Variants in ASH1L observed in about 807,000 individuals in gnomAD.
The protein encoded by ASH1L is histone-lysine N-methyltransferase ASH1L.
ASH1L carries 23 observed loss-of-function variants against 269.0 expected under a neutral mutation model. That is an observed-to-expected ratio of 0.09 (90% CI 0.06 to 0.12). ASH1L has a LOEUF of 0.12. ASH1L is among the 10% of genes least tolerant of loss of function. The pLI, the probability that ASH1L is intolerant of heterozygous loss-of-function variation, is 1.00. For synonymous variants in ASH1L, 1,187 were observed against 1,253.5 expected (o/e 0.95, Z 1.12); for missense variants, 2,912 against 3,567.8 (o/e 0.82, Z 4.68).
intron 6 of ASH1L, among the ~76,000 whole-genome samples, chr1:155,411,811 C>G (rs888347210): frequency 6.6e-6 from 1 of 150,854 alleles, no homozygotes; most frequent in African/African-American, 2.4e-5. Flanking sequence ...GAGGGTCCTG[C>G]CCCATACCCT....
chr1:155,466,084 G>A (rs1345460150), intron 3 of ASH1L, among the ~76,000 whole-genome samples: 2 of 152,226 alleles, frequency 1.3e-5, no homozygotes, highest in Non-Finnish European at 2.9e-5. Context: ...GCCGGGCGCT[G>A]TGGCTCATGT....
chr1:155,350,314 G>A (rs1226758864), intron 17 of ASH1L, among the ~76,000 whole-genome samples: 4 of 152,112 alleles, frequency 2.6e-5, no homozygotes, highest in African/African-American at 9.7e-5. Flanking sequence ...GAGCCACTGC[G>A]CCTGGCCAAA....
intron 4 of ASH1L, among the ~76,000 whole-genome samples, chr1:155,452,381 ATT>A (rs976376306): frequency 6.6e-6 from 1 of 151,970 alleles, no homozygotes; most frequent in Non-Finnish European, 1.5e-5. Flanking sequence ...ATTAAAAAAA[ATT>A]TTTGTTTTTT....
intron 4 of ASH1L, among the ~76,000 whole-genome samples, chr1:155,443,709 T>C (rs1662776181): frequency 6.6e-6 from 1 of 152,226 alleles, no homozygotes; most frequent in East Asian, 1.9e-4. Flanking sequence ...TATTTTATTG[T>C]ACGGCTTCAT....
chr1:155,374,149 CG>C (rs1178548681), intron 10 of ASH1L, among the ~76,000 whole-genome samples: 1 of 151,988 alleles, frequency 6.6e-6, no homozygotes, highest in African/African-American at 2.4e-5. Flanking sequence ...GCCAACACGG[CG>C]AAACCTCGTC....
chr1:155,538,029 T>A (rs1162733192), intron 1 of ASH1L, among the ~76,000 whole-genome samples: 2 of 152,056 alleles, frequency 1.3e-5, no homozygotes, highest in East Asian at 1.9e-4. Context: ...ATTTATTTTT[T>A]ATTTTTATTT....
At chr1:155,551,446 G>C (rs988585350) in intron 1 of ASH1L, among the ~76,000 whole-genome samples, 1 of 151,388 alleles carries the variant, frequency 6.6e-6, no homozygotes, top group Non-Finnish European at 1.5e-5. Flanking sequence ...GGATCACGAG[G>C]TCAGGAGATC....
chr1:155,417,187 A>C (rs564680776), intron 5 of ASH1L, among the ~76,000 whole-genome samples: 1 of 151,022 alleles, frequency 6.6e-6, no homozygotes, highest in African/African-American at 2.4e-5. Flanking sequence ...TGCCCACCTC[A>C]GCTTCCCAAA....
intron 3 of ASH1L, among the ~76,000 whole-genome samples, chr1:155,475,045 T>C (rs1415988982): frequency 1.3e-5 from 2 of 152,230 alleles, no homozygotes; most frequent in Non-Finnish European, 2.9e-5. Context: ...CTCACTACTC[T>C]CTCTGTATTT....
chr1:155,403,861 G>A (rs1322868330), intron 6 of ASH1L, among the ~76,000 whole-genome samples: 2 of 150,262 alleles, frequency 1.3e-5, no homozygotes, highest in African/African-American at 4.9e-5. Context: ...TTCACTTCCT[G>A]CTGCAGCCAA....
intron 26 of ASH1L, among the ~76,000 whole-genome samples, chr1:155,339,042 G>C (rs1558009808): frequency 6.6e-6 from 1 of 152,166 alleles, no homozygotes; most frequent in Non-Finnish European, 1.5e-5. Context: ...TGAGGTAATG[G>C]GGAAAGCTTA....
intron 1 of ASH1L, among the ~76,000 whole-genome samples, chr1:155,542,391 T>C (rs1330747095): frequency 6.6e-6 from 1 of 151,668 alleles, no homozygotes; most frequent in African/African-American, 2.4e-5. Flanking sequence ...CTATCAAAAA[T>C]ACAAAAAATT....
chr1:155,474,030 C>T (rs1665337533), intron 3 of ASH1L, among the ~76,000 whole-genome samples: 1 of 152,016 alleles, frequency 6.6e-6, no homozygotes, highest in Admixed American at 6.5e-5. Flanking sequence ...AGACAGGTTT[C>T]GCCATGTTGG....
chr1:155,509,610 C>A (rs891723795), intron 2 of ASH1L, among the ~76,000 whole-genome samples: 1 of 152,082 alleles, frequency 6.6e-6, no homozygotes, highest in Non-Finnish European at 1.5e-5. Flanking sequence ...ACCAGCCTGA[C>A]CAACGTGAGG....
rs1345323002 is a variant in ASH1L at position 155,415,768 on chromosome 1, T to C, written c.5984A>G (p.Tyr1995Cys). Residue 1995 changes from tyrosine to cysteine, a missense_variant, in exon 6 of 28, where the codon TAT (tyrosine) becomes TGT (cysteine). Tyr to Cys is a radical substitution (Grantham distance 194). This residue lies in a region of ASH1L where 193 missense variants were observed against 311.6 expected (regional missense o/e 0.62). Coordinates refer to ENST00000392403, the MANE Select transcript of ASH1L (RefSeq NM_018489.3). ...CTCTGTAGTTTTGTAAACGTCAGAATACAGCCCTGCTTTCTGATACTTCTT... is the reference window on the plus strand; with the variant it reads ...CTCTGTAGTTTTGTAAACGTCAGAACACAGCCCTGCTTTCTGATACTTCTT... ...PKKKYQKAGLYSDVYKTTDPK... is the reference protein window; with the variant it reads ...PKKKYQKAGLCSDVYKTTDPK... 2 of 1,613,974 alleles carry C rather than the reference T, an allele frequency of 1.2e-6. No homozygotes were observed. Among genetic ancestry groups the C allele is most frequent in the Admixed American group, 1.7e-5 (1 of 59,960 alleles).
chr1:155,354,351 G>T, intron 16 of ASH1L, 122 bp downstream of exon 16: 1 of 839,570 alleles, frequency 1.2e-6, no homozygotes, highest in South Asian at 2.0e-5. Context: ...GCTGAGGCAG[G>T]ATAATTGCTT....
rs113798897 is a variant in ASH1L at position 155,349,249 on chromosome 1, G to C, written c.7554+78C>G. On this transcript the variant is annotated intron_variant, in intron 19 of 27. Transcript: ENST00000392403. Reference sequence around the variant, plus strand: ...AACCAGAAATATGGCTGATAGAGGAGGGTAAAAATCTTAAACTTCTAGACT... The same window carrying C: ...AACCAGAAATATGGCTGATAGAGGACGGTAAAAATCTTAAACTTCTAGACT... 4.1e-5 allele frequency: 61 copies of C among 1,498,332 alleles called. No individual in the cohort carries two copies. The African/African-American group carries it at 5.3e-4, about 13-fold the overall frequency. 92.8% of individuals were successfully genotyped at this position (1,498,332 alleles called of 1,614,324 possible).
chr1:155,355,257 G>A (rs1318676307), intron 15 of ASH1L, among the ~76,000 whole-genome samples: 1 of 152,190 alleles, frequency 6.6e-6, no homozygotes, highest in East Asian at 1.9e-4. Flanking sequence ...CCCCATGTTG[G>A]CCAGGCTGGT....
At chr1:155,482,905 T>C (rs903704776) in intron 2 of ASH1L, among the ~76,000 whole-genome samples, 12 of 152,176 alleles carry the variant, frequency 7.9e-5, no homozygotes, top group Non-Finnish European at 1.3e-4. Flanking sequence ...TCTAAACCTA[T>C]AGAAGACAAT....
Sources: gnomAD v4.1 joint callset for allele counts (sites outside exome capture counted in the v4.1 genomes callset) on GRCh38, gnomAD v4.1.1 for gene constraint, gnomAD v4.1.1 regional missense constraint, MANE v1.5 for transcripts, NCBI Gene and HGNC (gene_info 2026-07-23, HGNC 2026-07-21) for gene names.